The following EGFL6 variants were observed in gnomAD, a reference collection of about 807,000 sequenced individuals.
The protein encoded by EGFL6 is epidermal growth factor-like protein 6.
Under a neutral mutation model 43.1 loss-of-function variants are expected in EGFL6, and 42 were observed. That is an observed-to-expected ratio of 0.98 (90% CI 0.76 to 1.26). EGFL6 has a LOEUF of 1.26. Among genes scored for constraint, EGFL6 ranks in the 50% most tolerant of loss-of-function variants. The pLI, the probability that EGFL6 is intolerant of heterozygous loss-of-function variation, is 0.00. For missense variants in EGFL6, 429 were observed against 427.8 expected, an observed-to-expected ratio of 1.00 and a Z score of -0.02; for synonymous variants, 164 against 163.2, an observed-to-expected ratio of 1.01 and a Z score of -0.04.
At chrX:13,591,802 C>G (rs1056442922) in intron 2 of EGFL6, among the ~76,000 whole-genome samples, 1 of 111,210 alleles carries the variant, frequency 9.0e-6, no homozygotes, top group African/African-American at 3.3e-5. Context: ...AGCCTCTACC[C>G]TGTCTAAATC....
intron 2 of EGFL6, among the ~76,000 whole-genome samples, chrX:13,591,653 A>G (rs2045563522): frequency 9.0e-6 from 1 of 111,075 alleles, no homozygotes; most frequent in Non-Finnish European, 1.9e-5. Context: ...AAGAATACAC[A>G]TCAACCTGCC....
At chrX:13,616,962 C>T (rs2045722304) in intron 7 of EGFL6, among the ~76,000 whole-genome samples, 1 of 109,365 alleles carries the variant, frequency 9.1e-6, no homozygotes, top group Non-Finnish European at 1.9e-5. Context: ...CTCCGCTTCC[C>T]GGGTTCACGC....
chrX:13,614,306 T>C (rs758502208), intron 7 of EGFL6, among the ~76,000 whole-genome samples: 2 of 111,799 alleles, frequency 1.8e-5, no homozygotes, highest in South Asian at 7.6e-4. Flanking sequence ...CAGCAAACTC[T>C]CTTGGCTCAT....
intron 7 of EGFL6, among the ~76,000 whole-genome samples, chrX:13,612,260 T>A (rs2045693425): frequency 9.2e-6 from 1 of 108,997 alleles, no homozygotes; most frequent in Non-Finnish European, 1.9e-5. Flanking sequence ...TTAACGAGCA[T>A]GCTGCCTTCA....
intron 1 of EGFL6, among the ~76,000 whole-genome samples, chrX:13,582,477 AG>A (rs1348178148): frequency 9.0e-6 from 1 of 111,609 alleles, no homozygotes; most frequent in Admixed American, 9.5e-5. Flanking sequence ...TTTGTGACTG[AG>A]AAAGGAATTC....
At position 13,569,687 on chromosome X, in the gene EGFL6, C is replaced by T; in HGVS notation, c.-175C>T. ...GCCCCTCCCCAGGCCGCGAGCGCCC[C>T]TGCCGCGGTGCCTGGCCTCCCCTCC... is the stretch of plus-strand genomic sequence containing the variant. On this transcript the variant is annotated 5_prime_UTR_variant, in exon 1 of 12. Coordinates refer to ENST00000361306, the MANE Select transcript of EGFL6 (RefSeq NM_015507.4). The T allele has an allele frequency of 1.3e-5, 6 of 471,016 alleles. No individual in the cohort carries two copies. Among genetic ancestry groups the T allele is most frequent in the Non-Finnish European group, 2.1e-5 (6 of 284,656 alleles). The allele number at this position is 471,016 out of a possible 1,213,427, so 38.8% of individuals were successfully genotyped here. A position where few individuals can be genotyped will look rare whatever the true frequency, so the allele number is the denominator to read the frequency against.
intron 1 of EGFL6, among the ~76,000 whole-genome samples, chrX:13,580,099 G>C (rs1365415181): frequency 9.0e-6 from 1 of 111,606 alleles, no homozygotes; most frequent in Non-Finnish European, 1.9e-5. Context: ...ATGAGCATCA[G>C]ATCATTTATG....
intron 7 of EGFL6, among the ~76,000 whole-genome samples, chrX:13,613,989 TC>T (rs748713774): frequency 4.5e-5 from 5 of 112,003 alleles, no homozygotes. Flanking sequence ...AACATTCTGG[TC>T]ATGAATGCTA....
intron 11 of EGFL6, among the ~76,000 whole-genome samples, chrX:13,627,965 A>G (rs1287711648): frequency 9.0e-6 from 1 of 111,472 alleles, no homozygotes; most frequent in Non-Finnish European, 1.9e-5. Context: ...TTCATGTCCA[A>G]GGTTTTTGTT....
chrX:13,618,711 G>A (rs1274795145), intron 8 of EGFL6, among the ~76,000 whole-genome samples: 1 of 110,728 alleles, frequency 9.0e-6, no homozygotes, highest in East Asian at 2.8e-4. Flanking sequence ...TTCTGGCTGG[G>A]CATTTGTTGC....
At chrX:13,591,695 G>A (rs1401526645) in intron 2 of EGFL6, among the ~76,000 whole-genome samples, 1 of 110,839 alleles carries the variant, frequency 9.0e-6, no homozygotes, top group Non-Finnish European at 1.9e-5. Flanking sequence ...CAGGCTGTGA[G>A]GTCACAGTCT....
intron 6 of EGFL6, 127 bp downstream of exon 6, chrX:13,606,640 A>C (rs1282799478): frequency 1.4e-6 from 1 of 724,252 alleles, no homozygotes; most frequent in Non-Finnish European, 1.9e-6. Flanking sequence ...CAGCTTAACA[A>C]TAAGGAAAGG....
intron 1 of EGFL6, among the ~76,000 whole-genome samples, chrX:13,579,389 C>T (rs1327308400): frequency 5.4e-5 from 6 of 111,430 alleles, no homozygotes; most frequent in Non-Finnish European, 1.1e-4. Flanking sequence ...AGGATAATGG[C>T]CTCCAGCTCC....
rs749522199 is a variant in EGFL6 at position 13,623,876 on chromosome X, A to G, written c.1236A>G (p.Lys412=). ...TCAATCATGGGATCTGTGACTGGAA[A>G]CAGGATAGAGAAGATGATTTTGACT... ...CSFNHGICDW[K]QDREDDFDWN... is the part of the protein sequence containing the mutation. The change falls in exon 10 of 12, where the codon AAA becomes AAG. Residue 412 remains lysine, a synonymous_variant. Coordinates refer to ENST00000361306, the MANE Select transcript of EGFL6 (RefSeq NM_015507.4). The G allele has an allele frequency of 8.3e-6, 10 of 1,207,278 alleles. No homozygotes were observed. In the East Asian group the frequency reaches 1.5e-4, roughly 18 times the overall value.
chrX:13,604,188 A>G (rs931157519), intron 5 of EGFL6, among the ~76,000 whole-genome samples: 1 of 111,430 alleles, frequency 9.0e-6, no homozygotes, highest in African/African-American at 3.3e-5. Context: ...TCATTCACTA[A>G]GGAATAAAAT....
intron 7 of EGFL6, among the ~76,000 whole-genome samples, chrX:13,613,605 G>A (rs946318344): frequency 2.7e-5 from 3 of 111,514 alleles, no homozygotes; most frequent in African/African-American, 9.8e-5. Context: ...TTCCACACCT[G>A]CAAAATAGGG....
chrX:13,569,735 G>C lies in EGFL6; in HGVS notation c.-127G>C, dbSNP rs751355949. ...TCCCAGACTGCAGGGACAGCACCCG[G>C]TAACTGCGAGTGGAGCGGAGGACCC... On this transcript the variant is annotated 5_prime_UTR_variant, in exon 1 of 12. Coordinates refer to ENST00000361306, the MANE Select transcript of EGFL6 (RefSeq NM_015507.4). 3.0e-6 allele frequency: 2 copies of C among 658,459 alleles called. No individual in the cohort carries two copies. The highest frequency in any genetic ancestry group is 4.7e-6 in the Non-Finnish European group (2 of 423,211). The allele number at this position is 658,459 out of a possible 1,213,427, so 54.3% of individuals were successfully genotyped here.
At chrX:13,621,419 T>C (rs959605796) in intron 9 of EGFL6, among the ~76,000 whole-genome samples, 2 of 111,832 alleles carry the variant, frequency 1.8e-5, no homozygotes, top group African/African-American at 3.3e-5. Flanking sequence ...GGGTGCTGAT[T>C]CCTTGGTGCT....
At chrX:13,572,318 GAACT>G (rs989489745) in intron 1 of EGFL6, among the ~76,000 whole-genome samples, 6 of 112,042 alleles carry the variant, frequency 5.4e-5, no homozygotes, top group Admixed American at 3.8e-4. Context: ...AAAAGAACAG[GAACT>G]ATCTCACTAA....
Sources: gnomAD v4.1 joint callset for allele counts (sites outside exome capture counted in the v4.1 genomes callset) on GRCh38, gnomAD v4.1.1 for gene constraint, MANE v1.5 for transcripts, NCBI Gene and HGNC (gene_info 2026-07-23, HGNC 2026-07-21) for gene names.